The following PRLR variants were observed in gnomAD, a reference collection of about 807,000 sequenced individuals.
PRLR encodes hPRL receptor.
A neutral mutation model predicts 40.2 loss-of-function variants in PRLR; 13 were observed. The observed-to-expected ratio is 0.32, with a 90% CI of 0.21 to 0.51. The LOEUF (loss-of-function observed/expected upper bound fraction) is 0.51, where lower values mean the gene tolerates loss of function less well. Ranked by LOEUF, PRLR falls within the 20% of genes least tolerant of loss-of-function variation. The pLI is 0.97. For missense variants in PRLR, 656 were observed against 747.3 expected (o/e 0.88, Z 1.42); for synonymous variants, 269 against 278.7 (o/e 0.97, Z 0.35).
intron 2 of PRLR, among the ~76,000 whole-genome samples, chr5:35,100,440 G>T (rs1771809725): frequency 1.3e-5 from 2 of 152,078 alleles, no homozygotes; most frequent in South Asian, 4.1e-4. Context: ...ACCCTTTACA[G>T]GTGTACCATT....
At chr5:35,153,935 C>T (rs1774413602) in intron 1 of PRLR, among the ~76,000 whole-genome samples, 1 of 152,122 alleles carries the variant, frequency 6.6e-6, no homozygotes, top group Non-Finnish European at 1.5e-5. Flanking sequence ...TCTTGGTAAC[C>T]AGGATCCTTG....
At chr5:35,179,907 A>C (rs1775248140) in intron 1 of PRLR, among the ~76,000 whole-genome samples, 1 of 152,194 alleles carries the variant, frequency 6.6e-6, no homozygotes, top group Admixed American at 6.5e-5. Context: ...AGCACATTAC[A>C]TTTATTGTGC....
At chr5:35,124,878 C>T (rs1427035751) in intron 1 of PRLR, among the ~76,000 whole-genome samples, 1 of 152,156 alleles carries the variant, frequency 6.6e-6, no homozygotes, top group East Asian at 1.9e-4. Context: ...AGAAGTGTAT[C>T]AGTCAATTGG....
At chr5:35,212,353 T>G (rs1254954551) in intron 1 of PRLR, among the ~76,000 whole-genome samples, 1 of 152,274 alleles carries the variant, frequency 6.6e-6, no homozygotes, top group African/African-American at 2.4e-5. Flanking sequence ...CTTTCAATTC[T>G]GGGTTCCCCA....
intron 2 of PRLR, among the ~76,000 whole-genome samples, chr5:35,101,942 C>T (rs183815376): frequency 1.3e-3 from 196 of 151,786 alleles, no homozygotes; most frequent in African/African-American, 4.6e-3. Flanking sequence ...ATTCTCCTGC[C>T]TCAATCTCTG....
chr5:35,094,851 G>A (rs1357961416), intron 2 of PRLR, among the ~76,000 whole-genome samples: 3 of 142,862 alleles, frequency 2.1e-5, no homozygotes, highest in Non-Finnish European at 3.0e-5. Flanking sequence ...TTTTTGAGAC[G>A]GGGTCTTGTT....
chr5:35,156,511 T>G (rs1774512055), intron 1 of PRLR, among the ~76,000 whole-genome samples: 1 of 152,232 alleles, frequency 6.6e-6, no homozygotes, highest in African/African-American at 2.4e-5. Flanking sequence ...CTCTCCAGGA[T>G]CTGGCCTCCA....
chr5:35,083,591 C>T (rs1326823963), intron 5 of PRLR, among the ~76,000 whole-genome samples: 2 of 150,550 alleles, frequency 1.3e-5, no homozygotes, highest in Non-Finnish European at 2.9e-5. Flanking sequence ...ATGATCTTGG[C>T]TCACTGCAAC....
At chr5:35,193,099 C>T (rs1027065427) in intron 1 of PRLR, among the ~76,000 whole-genome samples, 1 of 152,154 alleles carries the variant, frequency 6.6e-6, no homozygotes, top group African/African-American at 2.4e-5. Flanking sequence ...TCAGAGATGC[C>T]ATTTAGGAGA....
At chr5:35,215,831 C>A in intron 1 of PRLR, among the ~76,000 whole-genome samples, 1 of 145,354 alleles carries the variant, frequency 6.9e-6, no homozygotes, top group African/African-American at 2.6e-5. Context: ...GAGTTCGAGA[C>A]CAGCTTGGTC....
At position 35,230,058 on chromosome 5, in the gene PRLR, G is replaced by C. The variant is rs375800061; in HGVS notation, c.-106+210C>G. Among the ~76,000 whole-genome samples, 67 of 151,964 alleles carry C rather than the reference G, an allele frequency of 4.4e-4. 1 individual carries two copies. The highest frequency in any genetic ancestry group is 1.5e-3 in the African/African-American group (61 of 41,484). On this transcript the variant is annotated intron_variant, in intron 1 of 9. Coordinates refer to ENST00000618457, the MANE Select transcript of PRLR (RefSeq NM_000949.7). ...GTATTTTTTAGCCCCTCTGAGAAGG[G>C]ACATCCGGGCGGGAGGCGGGCGGAT...
At chr5:35,124,768 C>G (rs1197521945) in intron 1 of PRLR, among the ~76,000 whole-genome samples, 2 of 150,934 alleles carry the variant, frequency 1.3e-5, no homozygotes, top group Admixed American at 1.3e-4. Context: ...GATCAACACC[C>G]TGAAATTCTA....
At chr5:35,097,414 G>A (rs1243642322) in intron 2 of PRLR, among the ~76,000 whole-genome samples, 3 of 152,084 alleles carry the variant, frequency 2.0e-5, no homozygotes, top group Admixed American at 1.3e-4. Context: ...GCCCAGAGAC[G>A]GTCTGCGAGT....
At chr5:35,211,434 G>A (rs1227816003) in intron 1 of PRLR, among the ~76,000 whole-genome samples, 1 of 152,182 alleles carries the variant, frequency 6.6e-6, no homozygotes, top group Non-Finnish European at 1.5e-5. Context: ...ATGAGGAAGT[G>A]GGGGTTGTTT....
chr5:35,151,794 C>A (rs757203361), intron 1 of PRLR, among the ~76,000 whole-genome samples: 11 of 152,306 alleles, frequency 7.2e-5, no homozygotes, highest in South Asian at 2.1e-4. Context: ...AGTTTCCAAG[C>A]CATTTGAGTG....
At chr5:35,099,366 C>T (rs759816559) in intron 2 of PRLR, among the ~76,000 whole-genome samples, 30 of 152,304 alleles carry the variant, frequency 2.0e-4, no homozygotes, top group Admixed American at 5.2e-4. Context: ...TAATGCTTTA[C>T]GCCGTGTTTG....
chr5:35,201,435 G>A (rs541291092), intron 1 of PRLR, among the ~76,000 whole-genome samples: 1 of 152,290 alleles, frequency 6.6e-6, no homozygotes, highest in African/African-American at 2.4e-5. Flanking sequence ...CAGCCTTAAG[G>A]CCTGTTTGGA....
At chr5:35,068,954 C>T in intron 7 of PRLR, 76 bp from the exon 8 acceptor site, 2 of 1,096,610 alleles carry the variant, frequency 1.8e-6, no homozygotes, top group South Asian at 2.8e-5. Flanking sequence ...GAATGAAACT[C>T]TTAAACCCAA....
rs1192207364 is a variant in PRLR, at chr5:35,061,599, T to C, written c.*3490A>G. On this transcript the variant is annotated 3_prime_UTR_variant, in exon 10 of 10. Transcript: ENST00000618457. ...GAGTCTGTTATATAGCTAATAAATG[T>C]AGGATCTGTTAAATATCTGACACAG... 1 of 152,212 alleles carries C rather than the reference T, an allele frequency of 6.6e-6. No individual in the cohort carries two copies. Among genetic ancestry groups the C allele is most frequent in the African/African-American group, 2.4e-5 (1 of 41,454 alleles). The allele number at this position is 152,212 out of a possible 1,614,324, so 9.4% of individuals were successfully genotyped here. A position where few individuals can be genotyped will look rare whatever the true frequency, so the allele number is the denominator to read the frequency against.
Sources: gnomAD v4.1 joint callset for allele counts (sites outside exome capture counted in the v4.1 genomes callset) on GRCh38, gnomAD v4.1.1 for gene constraint, MANE v1.5 for transcripts, NCBI Gene and HGNC (gene_info 2026-07-23, HGNC 2026-07-21) for gene names.